The following CORIN variants were observed in gnomAD, a reference collection of about 807,000 sequenced individuals.
CORIN encodes the protein corin, serine peptidase, also known as atrial natriuretic peptide-converting enzyme.
Under a neutral mutation model 125.3 loss-of-function variants are expected in CORIN, and 117 were observed. The observed-to-expected ratio is 0.93, with a 90% confidence interval of 0.80 to 1.09. The LOEUF is 1.09. CORIN is among the 50% of genes least tolerant of loss of function. The pLI, the probability that CORIN is intolerant of heterozygous loss-of-function variation, is 0.00. For missense variants in CORIN, 1,253 were observed against 1,306.7 expected (o/e 0.96, Z 0.63); for synonymous variants, 450 against 466.4 (o/e 0.96, Z 0.45).
chr4:47,648,942 G>A (rs1394884585), intron 13 of CORIN, among the ~76,000 whole-genome samples: 1 of 152,178 alleles, frequency 6.6e-6, no homozygotes, highest in Non-Finnish European at 1.5e-5. Context: ...CAGGATCCTG[G>A]ACAACAAAGC....
intron 3 of CORIN, among the ~76,000 whole-genome samples, chr4:47,786,018 G>T (rs2109915659): frequency 6.6e-6 from 1 of 151,778 alleles, no homozygotes; most frequent in East Asian, 1.9e-4. Flanking sequence ...CAAAGTCAGT[G>T]ACTTAACTTA....
chr4:47,675,072 G>A (rs192716456), intron 9 of CORIN, among the ~76,000 whole-genome samples: 37 of 152,304 alleles, frequency 2.4e-4, no homozygotes, highest in Non-Finnish European at 4.6e-4. Flanking sequence ...GTGATGACTT[G>A]AGAACTGGGT....
At chr4:47,712,226 AAT>A (rs1444381117) in intron 5 of CORIN, among the ~76,000 whole-genome samples, 2 of 152,112 alleles carry the variant, frequency 1.3e-5, no homozygotes, top group African/African-American at 4.8e-5. Context: ...ATATAGTCAT[AAT>A]ATGACACATT....
chr4:47,657,236 A>G (rs1724026093), intron 12 of CORIN, among the ~76,000 whole-genome samples: 1 of 152,158 alleles, frequency 6.6e-6, no homozygotes, highest in Non-Finnish European at 1.5e-5. Flanking sequence ...ACTGCTATAA[A>G]GAAATACCTG....
chr4:47,702,629 G>A (rs912462533), intron 5 of CORIN, among the ~76,000 whole-genome samples: 1 of 152,004 alleles, frequency 6.6e-6, no homozygotes, highest in Admixed American at 6.6e-5. Flanking sequence ...TTTAATCACA[G>A]TTTCTTTTAG....
chr4:47,837,749 G>C, intron 1 of CORIN, 138 bp downstream of exon 1: 1 of 824,818 alleles, frequency 1.2e-6, no homozygotes. Context: ...TGTCAGAGCG[G>C]GAGCTCACCG....
chr4:47,744,618 G>A, intron 4 of CORIN, 35 bp from the exon 5 acceptor site: 1 of 1,534,760 alleles, frequency 6.5e-7, no homozygotes. Context: ...GAAAATTAGT[G>A]TCTTTACAGA....
At chr4:47,605,079 C>A (rs1447619847) in intron 19 of CORIN, among the ~76,000 whole-genome samples, 1 of 152,116 alleles carries the variant, frequency 6.6e-6, no homozygotes, top group Admixed American at 6.5e-5. Context: ...CCTACCATTA[C>A]TCCTTCTCTT....
chr4:47,709,674 T>C (rs1726752535), intron 5 of CORIN, among the ~76,000 whole-genome samples: 1 of 152,240 alleles, frequency 6.6e-6, no homozygotes, highest in South Asian at 2.1e-4. Flanking sequence ...ACATTATTAA[T>C]GTGACATCAC....
At chr4:47,666,255 G>A (rs140870024) in intron 10 of CORIN, among the ~76,000 whole-genome samples, 41 of 152,248 alleles carry the variant, frequency 2.7e-4, no homozygotes, top group Non-Finnish European at 5.6e-4. Flanking sequence ...ATTGCATTCT[G>A]CCATATTCTT....
At chr4:47,809,935 G>C (rs1201754597) in intron 1 of CORIN, among the ~76,000 whole-genome samples, 3 of 152,110 alleles carry the variant, frequency 2.0e-5, no homozygotes, top group Admixed American at 1.3e-4. Flanking sequence ...TAAACAACCA[G>C]AATCATCCTT....
At chr4:47,798,696 TA>T (rs201399163) in intron 2 of CORIN, among the ~76,000 whole-genome samples, 2 of 152,204 alleles carry the variant, frequency 1.3e-5, no homozygotes, top group African/African-American at 4.8e-5. Flanking sequence ...TTCTCTTTTT[TA>T]TAAATTTCAA....
At chr4:47,830,530 A>G (rs1732935400) in intron 1 of CORIN, among the ~76,000 whole-genome samples, 2 of 152,218 alleles carry the variant, frequency 1.3e-5, no homozygotes, top group Non-Finnish European at 2.9e-5. Flanking sequence ...TCACAAGTGC[A>G]TGAATCCCTG....
At chr4:47,599,107 T>G (rs772427342) in intron 21 of CORIN, among the ~76,000 whole-genome samples, 1 of 152,136 alleles carries the variant, frequency 6.6e-6, no homozygotes, top group Non-Finnish European at 1.5e-5. Flanking sequence ...CACACCCACA[T>G]CATGCTGCCT....
chr4:47,625,066 C>A (rs772145731), intron 17 of CORIN, among the ~76,000 whole-genome samples: 5 of 152,052 alleles, frequency 3.3e-5, no homozygotes, highest in Non-Finnish European at 7.4e-5. Flanking sequence ...CTTCCTTACT[C>A]TCTATTACAT....
intron 5 of CORIN, among the ~76,000 whole-genome samples, chr4:47,739,790 G>C (rs1195655764): frequency 2.0e-5 from 3 of 151,762 alleles, no homozygotes; most frequent in African/African-American, 7.3e-5. Context: ...ATACATAATG[G>C]TACAAAGAAG....
chr4:47,775,774 T>C (rs1170960984), intron 3 of CORIN, among the ~76,000 whole-genome samples: 3 of 152,178 alleles, frequency 2.0e-5, no homozygotes, highest in African/African-American at 7.2e-5. Context: ...TCACTGCTTC[T>C]CATGATTGGC....
At chr4:47,660,792 G>T (rs1724210291) in intron 12 of CORIN, among the ~76,000 whole-genome samples, 1 of 152,134 alleles carries the variant, frequency 6.6e-6, no homozygotes, top group Non-Finnish European at 1.5e-5. Flanking sequence ...ACTAAAAGTA[G>T]ACCTAATACA....
intron 3 of CORIN, among the ~76,000 whole-genome samples, chr4:47,764,321 T>C (rs573697497): frequency 3.3e-4 from 51 of 152,342 alleles, no homozygotes; most frequent in African/African-American, 1.2e-3. Flanking sequence ...TCTCCCATAG[T>C]TGGCTCTTTT....
Sources: allele counts gnomAD v4.1 joint callset (sites outside exome capture counted in the v4.1 genomes callset), GRCh38; gene constraint gnomAD v4.1.1; transcripts MANE v1.5; gene names NCBI Gene and HGNC (gene_info 2026-07-23, HGNC 2026-07-21).